KITLG: variants seen among roughly 807,000 people sequenced by gnomAD.
KITLG encodes c-Kit ligand.
KITLG carries 13 observed loss-of-function variants against 34.1 expected under a neutral mutation model. The ratio of observed to expected loss-of-function variants is 0.38; its 90% CI spans 0.25 to 0.61. The LOEUF (loss-of-function observed/expected upper bound fraction) is 0.61. KITLG is among the 20% of genes least tolerant of loss of function. The pLI is 0.60. For missense variants in KITLG, 292 were observed against 318.9 expected (o/e 0.92, Z 0.64); for synonymous variants, 110 against 104.0 (o/e 1.06, Z -0.35).
At chr12:88,557,500 C>A (rs573142678) in intron 1 of KITLG, among the ~76,000 whole-genome samples, 1 of 152,076 alleles carries the variant, frequency 6.6e-6, no homozygotes, top group South Asian at 2.1e-4. Context: ...TAAGGAGATG[C>A]GAGCTAATGA....
chr12:88,516,591 A>T, intron 4 of KITLG, 101 bp from the exon 5 acceptor site: 1 of 743,086 alleles, frequency 1.3e-6, no homozygotes, highest in Non-Finnish European at 2.2e-6. Flanking sequence ...TCAAGTATTT[A>T]GACTCTTACA....
intron 1 of KITLG, among the ~76,000 whole-genome samples, chr12:88,563,435 T>A (rs557253239): frequency 1.1e-4 from 16 of 152,230 alleles, no homozygotes; most frequent in African/African-American, 3.6e-4. Context: ...TCCCCTATCA[T>A]GCAACTTGTT....
intron 5 of KITLG, 59 bp downstream of exon 5, chr12:88,516,275 C>A: frequency 7.0e-7 from 1 of 1,430,664 alleles, no homozygotes; most frequent in Non-Finnish European, 9.8e-7. Flanking sequence ...ATTCTTACTA[C>A]ATAGGGAAGA....
chr12:88,576,367 T>C (rs1176663493), intron 1 of KITLG, among the ~76,000 whole-genome samples: 1 of 152,220 alleles, frequency 6.6e-6, no homozygotes, highest in African/African-American at 2.4e-5. Flanking sequence ...ACTTGGTCTC[T>C]GTGCTTGGTT....
intron 3 of KITLG, among the ~76,000 whole-genome samples, chr12:88,519,305 A>G (rs1389437621): frequency 6.6e-6 from 1 of 152,106 alleles, no homozygotes; most frequent in African/African-American, 2.4e-5. Flanking sequence ...CAGGAGGAGG[A>G]GGTTGTAAGT....
At chr12:88,527,652 G>A (rs1869927944) in intron 3 of KITLG, among the ~76,000 whole-genome samples, 1 of 152,188 alleles carries the variant, frequency 6.6e-6, no homozygotes. Flanking sequence ...GCCTTAAAGT[G>A]TCTCTCCCCA....
In KITLG at chr12:88,536,077, T is replaced by C. The variant is rs1442608202; in HGVS notation, c.130-3574A>G. Among the ~76,000 whole-genome samples the C allele has an allele frequency of 2.6e-5, 4 of 152,098 alleles. No individual in the cohort carries two copies. The East Asian group carries it at 7.7e-4, about 29-fold the overall frequency. On this transcript the variant is annotated intron_variant, in intron 2 of 9. Transcript: ENST00000644744. The stretch of plus-strand genomic sequence containing the variant: ...GGAGCTAATTAAACTAAAGAGCTAC[T>C]ACACAGCAAAAGAAACTACTAACAG...
At chr12:88,521,509 T>G (rs1869660071) in intron 3 of KITLG, among the ~76,000 whole-genome samples, 1 of 152,158 alleles carries the variant, frequency 6.6e-6, no homozygotes, top group African/African-American at 2.4e-5. Context: ...TCACTGTTTC[T>G]TATTTTTCAG....
intron 6 of KITLG, among the ~76,000 whole-genome samples, chr12:88,509,929 G>A (rs1438889865): frequency 2.0e-5 from 3 of 152,042 alleles, no homozygotes; most frequent in African/African-American, 7.2e-5. Flanking sequence ...GGGTATTTGG[G>A]GACAAAACTT....
chr12:88,515,783 T>G (rs1252456791), intron 5 of KITLG, among the ~76,000 whole-genome samples, 166 bp from the exon 6 acceptor site: 6 of 151,790 alleles, frequency 4.0e-5, no homozygotes, highest in Non-Finnish European at 7.4e-5. Context: ...TCTATTTTAC[T>G]AAGAAATCCA....
intron 9 of KITLG, among the ~76,000 whole-genome samples, chr12:88,502,504 T>C (rs1432249144): frequency 6.6e-6 from 1 of 152,178 alleles, no homozygotes; most frequent in African/African-American, 2.4e-5. Flanking sequence ...CAAACATTTA[T>C]AGAGAGCCAA....
At chr12:88,509,517 C>T (rs894671222) in intron 6 of KITLG, among the ~76,000 whole-genome samples, 1 of 152,142 alleles carries the variant, frequency 6.6e-6, no homozygotes, top group African/African-American at 2.4e-5. Context: ...GTTGACAGTT[C>T]CATCCCTAAG....
chr12:88,576,007 C>G (rs960913139), intron 1 of KITLG, among the ~76,000 whole-genome samples: 5 of 151,920 alleles, frequency 3.3e-5, no homozygotes. Flanking sequence ...AAAGCAAGTG[C>G]GAGAACATTA....
chr12:88,576,779 G>C (rs1871842474), intron 1 of KITLG, among the ~76,000 whole-genome samples: 1 of 152,010 alleles, frequency 6.6e-6, no homozygotes, highest in Non-Finnish European at 1.5e-5. Context: ...AAGGCCACAT[G>C]TAGTGGAATT....
intron 1 of KITLG, among the ~76,000 whole-genome samples, chr12:88,552,356 T>A (rs758284200): frequency 2.0e-5 from 3 of 151,202 alleles, no homozygotes; most frequent in Non-Finnish European, 2.9e-5. Flanking sequence ...TTTTCTTTTT[T>A]TTTTTGTATT....
intron 1 of KITLG, among the ~76,000 whole-genome samples, chr12:88,573,503 G>C (rs1243557279): frequency 6.6e-6 from 1 of 152,182 alleles, no homozygotes; most frequent in African/African-American, 2.4e-5. Context: ...GGTGAAACAA[G>C]CCAATAATGA....
chr12:88,533,960 T>C (rs1468352965), intron 2 of KITLG, among the ~76,000 whole-genome samples: 1 of 152,184 alleles, frequency 6.6e-6, no homozygotes, highest in Admixed American at 6.5e-5. Context: ...AGCTCTGAAC[T>C]GAGGCACTTA....
intron 1 of KITLG, among the ~76,000 whole-genome samples, chr12:88,554,307 T>C (rs1202160145): frequency 6.6e-6 from 1 of 152,100 alleles, no homozygotes; most frequent in African/African-American, 2.4e-5. Context: ...TCTCTATGAA[T>C]ATGAGAAGTG....
intron 2 of KITLG, among the ~76,000 whole-genome samples, chr12:88,543,626 T>G (rs1870600097): frequency 6.6e-6 from 1 of 152,176 alleles, no homozygotes; most frequent in Non-Finnish European, 1.5e-5. Flanking sequence ...GCACATCATT[T>G]CCTCTTCTTC....
Sources: gnomAD v4.1 joint callset for allele counts (sites outside exome capture counted in the v4.1 genomes callset) on GRCh38, gnomAD v4.1.1 for gene constraint, MANE v1.5 for transcripts, NCBI Gene and HGNC (gene_info 2026-07-23, HGNC 2026-07-21) for gene names.